The following CPNE4 variants were observed in gnomAD, a reference collection of about 807,000 sequenced individuals.
CPNE4 encodes the protein copine 4, also known as copine-4.
CPNE4 carries 25 observed loss-of-function variants against 67.9 expected under a neutral mutation model. The observed-to-expected ratio is 0.37, with a 90% CI of 0.27 to 0.51. The LOEUF (loss-of-function observed/expected upper bound fraction) is 0.51. Ranked by LOEUF, CPNE4 falls within the 20% of genes least tolerant of loss-of-function variation. The pLI, the probability that CPNE4 is intolerant of heterozygous loss-of-function variation, is 0.93. For synonymous variants in CPNE4, 242 were observed against 244.9 expected (o/e 0.99, Z 0.11); for missense variants, 464 against 690.8 (o/e 0.67, Z 3.68).
intron 15 of CPNE4, among the ~76,000 whole-genome samples, chr3:131,537,947 G>A (rs1268556392): frequency 6.6e-6 from 1 of 152,080 alleles, no homozygotes; most frequent in Admixed American, 6.5e-5. Context: ...CTTTGTGTGG[G>A]GGACTGTCCG....
chr3:132,035,675 T>C (rs924884465), upstream of CPNE4, among the ~76,000 whole-genome samples: 3 of 152,250 alleles, frequency 2.0e-5, no homozygotes, highest in Non-Finnish European at 4.4e-5. Flanking sequence ...ATTTCAAACT[T>C]ATTCAAATTC....
At chr3:131,577,933 A>T (rs1937590659) in intron 9 of CPNE4, among the ~76,000 whole-genome samples, 1 of 152,122 alleles carries the variant, frequency 6.6e-6, no homozygotes, top group South Asian at 2.1e-4. Context: ...TGTATATACA[A>T]CTGCTCCTGG....
At chr3:131,831,508 A>G (rs576912083) in intron 2 of CPNE4, among the ~76,000 whole-genome samples, 15 of 152,304 alleles carry the variant, frequency 9.8e-5, no homozygotes, top group African/African-American at 3.4e-4. Context: ...AATTATGAAA[A>G]CTAAAAAATT....
intron 2 of CPNE4, among the ~76,000 whole-genome samples, chr3:131,810,009 AGAGGAGGACGAG>A (rs1282566579): frequency 2.6e-5 from 4 of 152,070 alleles, no homozygotes; most frequent in Non-Finnish European, 4.4e-5. Flanking sequence ...AGAATCAAGA[AGAGGAGGACGAG>A]GAGGAGGAGA....
At chr3:131,618,242 T>C (rs1940271763) in intron 7 of CPNE4, among the ~76,000 whole-genome samples, 1 of 152,168 alleles carries the variant, frequency 6.6e-6, no homozygotes, top group South Asian at 2.1e-4. Flanking sequence ...AAAGGGATGC[T>C]TAACTCATTT....
intron 7 of CPNE4, among the ~76,000 whole-genome samples, chr3:131,614,940 T>C (rs981567739): frequency 1.3e-5 from 2 of 152,138 alleles, no homozygotes; most frequent in Non-Finnish European, 2.9e-5. Flanking sequence ...TCAGGGAAAA[T>C]AGAGTCTCCC....
At chr3:131,667,697 C>T (rs1302568935) in intron 7 of CPNE4, among the ~76,000 whole-genome samples, 2 of 151,668 alleles carry the variant, frequency 1.3e-5, no homozygotes, top group African/African-American at 4.8e-5. Flanking sequence ...TATCATCTAT[C>T]AATCAATCAT....
intron 2 of CPNE4, among the ~76,000 whole-genome samples, chr3:131,858,952 C>T (rs564984795): frequency 6.6e-6 from 1 of 152,232 alleles, no homozygotes; most frequent in Admixed American, 6.5e-5. Context: ...ACTCTGCTCA[C>T]CAAAATCTGA....
chr3:131,779,368 T>G (rs545141824), intron 2 of CPNE4, among the ~76,000 whole-genome samples: 3 of 152,012 alleles, frequency 2.0e-5, no homozygotes, highest in Non-Finnish European at 2.9e-5. Context: ...AGAACCTGAA[T>G]AGCCAAATCA....
intron 2 of CPNE4, among the ~76,000 whole-genome samples, chr3:131,852,119 A>G (rs1560465520): frequency 6.6e-6 from 1 of 152,092 alleles, no homozygotes; most frequent in Admixed American, 6.6e-5. Flanking sequence ...GTTCACTCAT[A>G]CGTTTTATTC....
At chr3:131,605,843 C>T (rs1265938254) in intron 7 of CPNE4, among the ~76,000 whole-genome samples, 3 of 152,132 alleles carry the variant, frequency 2.0e-5, no homozygotes, top group Non-Finnish European at 4.4e-5. Context: ...ATTGAACATA[C>T]CATTCACCTA....
chr3:131,547,640 CAG>C (rs561790731), intron 14 of CPNE4, among the ~76,000 whole-genome samples: 22 of 152,220 alleles, frequency 1.4e-4, no homozygotes, highest in African/African-American at 4.6e-4. Flanking sequence ...TCTCAGCTTA[CAG>C]AGTGTCTCTG....
At chr3:131,714,044 G>A (rs1560165397) in intron 3 of CPNE4, among the ~76,000 whole-genome samples, 1 of 152,164 alleles carries the variant, frequency 6.6e-6, no homozygotes, top group Non-Finnish European at 1.5e-5. Context: ...CATGTGAGAA[G>A]CAGAAGGAGA....
At chr3:131,721,711 C>T (rs990925804) in intron 3 of CPNE4, among the ~76,000 whole-genome samples, 12 of 152,078 alleles carry the variant, frequency 7.9e-5, no homozygotes, top group Admixed American at 3.9e-4. Context: ...ACCTTTATTT[C>T]TTGTGACAAA....
chr3:131,963,781 T>G (rs1283969157), intron 1 of CPNE4, among the ~76,000 whole-genome samples: 1 of 152,138 alleles, frequency 6.6e-6, no homozygotes, highest in Non-Finnish European at 1.5e-5. Context: ...ACAGAGCAGC[T>G]GGGGGAAGGA....
At chr3:131,779,812 A>T (rs946523669) in intron 2 of CPNE4, among the ~76,000 whole-genome samples, 4 of 152,126 alleles carry the variant, frequency 2.6e-5, no homozygotes. Flanking sequence ...AGCAATCACA[A>T]AAAAACCCCA....
chr3:131,661,731 C>T (rs1302984441), intron 7 of CPNE4, among the ~76,000 whole-genome samples: 1 of 152,132 alleles, frequency 6.6e-6, no homozygotes, highest in Non-Finnish European at 1.5e-5. Flanking sequence ...CCAGAAAACT[C>T]AAGAGGACCA....
intron 1 of CPNE4, among the ~76,000 whole-genome samples, chr3:131,986,714 G>A (rs1236777136): frequency 6.6e-6 from 1 of 151,908 alleles, no homozygotes; most frequent in Non-Finnish European, 1.5e-5. Flanking sequence ...AGCTAACATG[G>A]TGAAACCCAG....
chr3:131,837,023 G>C (rs1484565518), intron 2 of CPNE4, among the ~76,000 whole-genome samples: 1 of 152,106 alleles, frequency 6.6e-6, no homozygotes, highest in Non-Finnish European at 1.5e-5. Flanking sequence ...GCCACAATGA[G>C]ATACTACTAC....
Sources: gnomAD v4.1 joint callset for allele counts (sites outside exome capture counted in the v4.1 genomes callset) on GRCh38, gnomAD v4.1.1 for gene constraint, MANE v1.5 for transcripts, NCBI Gene and HGNC (gene_info 2026-07-23, HGNC 2026-07-21) for gene names.